CTPS2: variants seen among roughly 807,000 people sequenced by gnomAD.
CTPS2 encodes CTP synthase 2.
In CTPS2, 19 loss-of-function variants were observed where a neutral mutation model predicts 46.8. The observed-to-expected ratio is 0.41, with a 90% CI of 0.28 to 0.60. CTPS2 has a LOEUF of 0.60. Among genes scored for constraint, CTPS2 ranks in the 20% least tolerant of loss-of-function variants. The pLI, the probability that CTPS2 is intolerant of heterozygous loss-of-function variation, is 0.35. For missense variants in CTPS2, 286 were observed against 447.6 expected, an observed-to-expected ratio of 0.64 and a Z score of 3.26; for synonymous variants, 151 against 165.2, an observed-to-expected ratio of 0.91 and a Z score of 0.66.
chrX:16,617,592 G>A lies in CTPS2; in HGVS notation c.1450-346C>T, dbSNP rs73448265. Among the ~76,000 whole-genome samples the A allele has an allele frequency of 9.0e-4, 101 of 111,892 alleles. 1 individual carries two copies. Among genetic ancestry groups the A allele is most frequent in the African/African-American group, 3.1e-3 (96 of 30,829 alleles). ...TATGTGTACTTCCCTATCTCTCCCC[G>A]AATCACAAATTTGCTTGAAGATTAA... On this transcript the variant is annotated intron_variant, in intron 15 of 18. Coordinates refer to ENST00000359276, the MANE Select transcript of CTPS2 (RefSeq NM_175859.3).
chrX:16,639,777 A>AAAGAAAGAAAG (rs1555961940), intron 13 of CTPS2, among the ~76,000 whole-genome samples: 3 of 72,665 alleles, frequency 4.1e-5, no homozygotes, highest in Admixed American at 1.7e-4. Flanking sequence ...AAAGGAAAAG[A>AAAGAAAGAAAG]AAAGAAAGAA....
chrX:16,675,260 A>T (rs1281816326), intron 10 of CTPS2, among the ~76,000 whole-genome samples: 1 of 92,807 alleles, frequency 1.1e-5, no homozygotes, highest in Admixed American at 1.2e-4. Flanking sequence ...AGAGCAAGAG[A>T]CTGTGTCTCA....
intron 1 of CTPS2, among the ~76,000 whole-genome samples, chrX:16,704,007 C>T (rs765370650): frequency 9.4e-6 from 1 of 106,145 alleles, no homozygotes; most frequent in Non-Finnish European, 1.9e-5. Context: ...GACACAATCT[C>T]GGCTCATTGC....
intron 2 of CTPS2, among the ~76,000 whole-genome samples, chrX:16,702,171 C>A (rs1190601575): frequency 9.1e-6 from 1 of 110,408 alleles, no homozygotes; most frequent in East Asian, 2.9e-4. Flanking sequence ...TCTCCTGTCT[C>A]AGCCTCCTGA....
At chrX:16,691,890 G>A (rs192053923) in intron 6 of CTPS2, among the ~76,000 whole-genome samples, 11 of 112,104 alleles carry the variant, frequency 9.8e-5, no homozygotes, top group African/African-American at 2.6e-4. Context: ...GAGCTAGATC[G>A]GGGTTAACAA....
intron 13 of CTPS2, among the ~76,000 whole-genome samples, chrX:16,644,993 G>A (rs1052061246): frequency 9.0e-6 from 1 of 111,194 alleles, no homozygotes; most frequent in African/African-American, 3.3e-5. Context: ...TTTGTTTTTT[G>A]TTTTTTTGAG....
At chrX:16,690,555 G>T (rs4831052) in intron 7 of CTPS2, among the ~76,000 whole-genome samples, 4 of 109,547 alleles carry the variant, frequency 3.7e-5, no homozygotes, top group African/African-American at 1.3e-4. Context: ...AATTCAATTT[G>T]ATCATTTTTA....
At chrX:16,667,126 C>T (rs1038422657) in intron 13 of CTPS2, among the ~76,000 whole-genome samples, 10 of 89,155 alleles carry the variant, frequency 1.1e-4, no homozygotes, top group African/African-American at 2.9e-4. Context: ...TAATAATAGA[C>T]CCCCCCCCGC....
chrX:16,663,432 A>T (rs1184243457), intron 13 of CTPS2, among the ~76,000 whole-genome samples: 2 of 111,898 alleles, frequency 1.8e-5, no homozygotes, highest in Non-Finnish European at 3.8e-5. Flanking sequence ...CAGGCATGAG[A>T]CACTGCACCT....
At chrX:16,616,343 G>A (rs1277953062) in intron 16 of CTPS2, among the ~76,000 whole-genome samples, 1 of 112,189 alleles carries the variant, frequency 8.9e-6, no homozygotes, top group Non-Finnish European at 1.9e-5. Flanking sequence ...AACTCTGGGG[G>A]CAGTGATTAG....
chrX:16,678,266 A>G, intron 10 of CTPS2, 96 bp downstream of exon 10: 1 of 591,498 alleles, frequency 1.7e-6, no homozygotes, highest in Non-Finnish European at 2.9e-6. Context: ...CTACCTTTCA[A>G]AATGCATGAA....
chrX:16,593,165 C>G (rs965264922), intron 17 of CTPS2, among the ~76,000 whole-genome samples: 1 of 111,987 alleles, frequency 8.9e-6, no homozygotes, highest in East Asian at 2.8e-4. Flanking sequence ...TGCGGTGGCT[C>G]ACGCCTGTAA....
intron 13 of CTPS2, among the ~76,000 whole-genome samples, chrX:16,644,069 C>T (rs1430983251): frequency 2.7e-5 from 3 of 111,292 alleles, no homozygotes; most frequent in Non-Finnish European, 5.7e-5. Context: ...TAAAGATATC[C>T]GCATCCTAGT....
intron 14 of CTPS2, among the ~76,000 whole-genome samples, chrX:16,629,491 T>A (rs1257061099): frequency 9.0e-6 from 1 of 110,936 alleles, no homozygotes; most frequent in African/African-American, 3.3e-5. Context: ...GGCGACCTCT[T>A]TTAAACTGTT....
chrX:16,672,476 T>C (rs2147309824), intron 10 of CTPS2, among the ~76,000 whole-genome samples: 1 of 111,488 alleles, frequency 9.0e-6, no homozygotes, highest in South Asian at 3.9e-4. Flanking sequence ...GCGACCATCT[T>C]GCCCAGAGAC....
chrX:16,709,679 T>C (rs1925308201), intron 1 of CTPS2, among the ~76,000 whole-genome samples: 1 of 107,871 alleles, frequency 9.3e-6, no homozygotes, highest in Admixed American at 1.0e-4. Flanking sequence ...TTAAACCTTG[T>C]CTCTACTAAA....
At position 16,662,406 on chromosome X, in the gene CTPS2, A is replaced by G. The variant is rs747721554; in HGVS notation, c.1296+5108T>C. 4.5e-5 allele frequency among the ~76,000 whole-genome samples: 5 copies of G among 111,871 alleles called. No individual in the cohort carries two copies. The South Asian group carries it at 1.9e-3, about 42-fold the overall frequency. ...TAGGGAAAAATCTGTTTCTCTTTTTATGTGTATAACAGACACTTTCTCTTG... is the reference window on the plus strand; with the variant it reads ...TAGGGAAAAATCTGTTTCTCTTTTTGTGTGTATAACAGACACTTTCTCTTG... On this transcript the variant is annotated intron_variant, in intron 13 of 18. Transcript: ENST00000359276.
intron 13 of CTPS2, among the ~76,000 whole-genome samples, chrX:16,662,345 G>A (rs1217283700): frequency 1.8e-5 from 2 of 111,497 alleles, no homozygotes; most frequent in African/African-American, 3.3e-5. Flanking sequence ...TCTCTCCTGG[G>A]CACTCTGAGA....
chrX:16,698,009 C>T (rs758619772), intron 4 of CTPS2, among the ~76,000 whole-genome samples: 1 of 110,961 alleles, frequency 9.0e-6, no homozygotes, highest in African/African-American at 3.3e-5. Flanking sequence ...CAGATCACTG[C>T]ACGTCCACCC....
Sources: allele counts gnomAD v4.1 joint callset (sites outside exome capture counted in the v4.1 genomes callset), GRCh38; gene constraint gnomAD v4.1.1; transcripts MANE v1.5; gene names NCBI Gene and HGNC (gene_info 2026-07-23, HGNC 2026-07-21).